The following SLAMF8 variants were observed in gnomAD, a reference collection of about 807,000 sequenced individuals.
SLAMF8 encodes the protein B lymphocyte activator macrophage expressed.
In SLAMF8, 23 loss-of-function variants were observed where a neutral mutation model predicts 29.0. That is an observed-to-expected ratio of 0.79 (90% CI 0.57 to 1.13). The LOEUF is 1.13. Ranked by LOEUF, SLAMF8 falls within the 50% of genes most tolerant of loss-of-function variation. SLAMF8 has a pLI of 0.00. For missense variants in SLAMF8, 381 were observed against 353.1 expected (o/e 1.08, Z -0.63); for synonymous variants, 139 against 145.6 (o/e 0.96, Z 0.32).
At chr1:159,832,099 G>A (rs1465726009) in intron 2 of SLAMF8, among the ~76,000 whole-genome samples, 1 of 152,076 alleles carries the variant, frequency 6.6e-6, no homozygotes, top group African/African-American at 2.4e-5. Flanking sequence ...TGTATAGAAA[G>A]GGGAATCCAT....
chr1:159,836,387 CT>C lies in SLAMF8; in HGVS notation c.*1128del. On this transcript the variant is annotated 3_prime_UTR_variant, in exon 5 of 5. Coordinates refer to ENST00000289707, the MANE Select transcript of SLAMF8 (RefSeq NM_020125.3). ...CATCTTAGGAAAATACATTCTGCCC[CT>C]GAATGATTCTGTCTAGAAAAGCTCT... 4.1e-6 allele frequency: 4 copies of C among 985,418 alleles called. No individual in the cohort carries two copies. Among genetic ancestry groups the C allele is most frequent in the Non-Finnish European group, 4.8e-6 (4 of 829,942 alleles). The allele number at this position is 985,418 out of a possible 1,614,324, so 61.0% of individuals were successfully genotyped here. A position where few individuals can be genotyped will look rare whatever the true frequency, so the allele number is the denominator to read the frequency against.
At chr1:159,827,072 G>A in intron 1 of SLAMF8, 134 bp downstream of exon 1, 1 of 1,062,332 alleles carries the variant, frequency 9.4e-7, no homozygotes, top group Non-Finnish European at 1.4e-6. Flanking sequence ...GGAAAGACTA[G>A]AACAAGCTCT....
intron 1 of SLAMF8, among the ~76,000 whole-genome samples, chr1:159,829,443 C>T (rs1009825810): frequency 1.3e-5 from 2 of 152,158 alleles, no homozygotes; most frequent in Non-Finnish European, 2.9e-5. Context: ...GTACTGTGCC[C>T]TCTGCCGGTG....
intron 2 of SLAMF8, among the ~76,000 whole-genome samples, chr1:159,831,391 A>T (rs1178108993): frequency 6.6e-6 from 1 of 151,568 alleles, no homozygotes; most frequent in Non-Finnish European, 1.5e-5. Flanking sequence ...GCCTTTCTGG[A>T]TGCACGCAGC....
Position 159,832,120 on chromosome 1 carries a change from C to T in SLAMF8, c.368-756C>T, listed in dbSNP as rs143063639. Among the ~76,000 whole-genome samples, 21 of 152,242 alleles carry T rather than the reference C, an allele frequency of 1.4e-4. No homozygotes were observed. The South Asian group carries it at 2.7e-3, about 20-fold the overall frequency. Reference sequence around the variant, plus strand: ...GAAAGGGGAATCCATGGCTAGGACACCAGGATATCAGTTTGTTCAGTGACC... The same window carrying T: ...GAAAGGGGAATCCATGGCTAGGACATCAGGATATCAGTTTGTTCAGTGACC... On this transcript the variant is annotated intron_variant, in intron 2 of 4. Coordinates refer to ENST00000289707, the MANE Select transcript of SLAMF8 (RefSeq NM_020125.3).
At position 159,826,922 on chromosome 1, in the gene SLAMF8, T is replaced by C; in HGVS notation, c.24T>C (p.Ser8=). The change falls in exon 1 of 5, where the codon AGT becomes AGC. Residue 8 remains serine, a synonymous_variant. Transcript: ENST00000289707. MVMRPLW[S]LLLWEALLPI... is the part of the protein sequence containing the mutation. ...AGATGGTCATGAGGCCCCTGTGGAG[T>C]CTGCTTCTCTGGGAAGGTAAGTGGG... 6.2e-7 allele frequency: 1 copy of C among 1,613,784 alleles called. No individual in the cohort carries two copies. Among genetic ancestry groups the C allele is most frequent in the Non-Finnish European group, 8.5e-7 (1 of 1,179,938 alleles).
rs748264309 is a variant in SLAMF8 at position 159,833,395 on chromosome 1, T to C, written c.781+26T>C. On this transcript the variant is annotated intron_variant, in intron 4 of 4. Coordinates refer to ENST00000289707, the MANE Select transcript of SLAMF8 (RefSeq NM_020125.3). ...GTAGGAGTCCTGCAGGTGCAGGAGG[T>C]AGGTGGAGGAAGTGGAGTTCCTGGG... 1.4e-5 allele frequency: 22 copies of C among 1,613,554 alleles called. No homozygotes were observed. In the Admixed American group the frequency reaches 3.2e-4, roughly 23 times the overall value.
chr1:159,836,625 C>G lies in SLAMF8; in HGVS notation c.*1365C>G, dbSNP rs1647962631. On this transcript the variant is annotated 3_prime_UTR_variant, in exon 5 of 5. Coordinates refer to ENST00000289707, the MANE Select transcript of SLAMF8 (RefSeq NM_020125.3). ...TCCCAGGGTGGCTTCAATCTCCCCA[C>G]CTAGGATGTCAGCCCTGTCCAAGGA... 1.0e-6 allele frequency: 1 copy of G among 985,442 alleles called. No individual in the cohort carries two copies. The highest frequency in any genetic ancestry group is 1.7e-5 in the African/African-American group (1 of 57,336). The allele number at this position is 985,442 out of a possible 1,614,324, so 61.0% of individuals were successfully genotyped here.
rs766596458 is a variant in SLAMF8 at position 159,830,034 on chromosome 1, CT to C, written c.210del (p.Leu71CysfsTer34). 6.2e-7 allele frequency: 1 copy of C among 1,613,168 alleles called. No individual in the cohort carries two copies. Among genetic ancestry groups the C allele is most frequent in the South Asian group, 1.1e-5 (1 of 91,076 alleles). On this transcript the variant is annotated frameshift_variant, in exon 2 of 5. Transcript: ENST00000289707. LOFTEE classifies it high-confidence loss of function. Reference protein sequence around the residue: ...LATFFRGSLETLYHSRFLGRA... With the variant: ...LATFFRGSLEXLYHSRFLGRA... The stretch of plus-strand genomic sequence containing the variant: ...ACGTTTTTCCGAGGCTCCCTGGAGA[CT>C]CTGTACCATTCCCGCTTCCTGGGCC...
rs770283592 is a variant in SLAMF8, at chr1:159,832,986, A to T, written c.478A>T (p.Ile160Leu). ...CTGTTGGGCCCCCAACATCAGCGAA[A>T]TAACCTATAGCTGGCGACGGGAGAC... ...LSCWAPNISEITYSWRRETTM... is the reference protein window; with the variant it reads ...LSCWAPNISELTYSWRRETTM... The change falls in exon 3 of 5, where the codon ATA becomes TTA. Residue 160 changes from isoleucine to leucine, a missense_variant. Transcript: ENST00000289707. 11 of 1,614,278 alleles carry T rather than the reference A, an allele frequency of 6.8e-6. No individual in the cohort carries two copies. Among genetic ancestry groups the T allele is most frequent in the Non-Finnish European group, 9.3e-6 (11 of 1,180,048 alleles).
chr1:159,833,420 G>A, intron 4 of SLAMF8, 51 bp downstream of exon 4: 1 of 1,612,188 alleles, frequency 6.2e-7, no homozygotes, highest in Non-Finnish European at 8.5e-7. Flanking sequence ...GAGTTCCTGG[G>A]GAGGAGGGGG....
intron 2 of SLAMF8, among the ~76,000 whole-genome samples, chr1:159,830,566 G>C (rs1480937303): frequency 1.3e-5 from 2 of 152,136 alleles, no homozygotes; most frequent in African/African-American, 4.8e-5. Flanking sequence ...ATCCAGGACA[G>C]AGCCTGGCCT....
chr1:159,834,981 G>T (rs1334488223), intron 4 of SLAMF8: 1 of 550,566 alleles, frequency 1.8e-6, no homozygotes, highest in South Asian at 2.4e-5. Flanking sequence ...TGGCATAGTT[G>T]CAGGCCAAGG....
chr1:159,835,957 C>T lies in SLAMF8; in HGVS notation c.*697C>T. 3.0e-6 allele frequency: 3 copies of T among 985,434 alleles called. No homozygotes were observed. Among genetic ancestry groups the T allele is most frequent in the Non-Finnish European group, 3.6e-6 (3 of 829,958 alleles). The allele number at this position is 985,434 out of a possible 1,614,324, so 61.0% of individuals were successfully genotyped here. ...GATGGGCACCGTTTTGCAGGAAACA[C>T]CATATTAATAGACATCCTCACCATC... On this transcript the variant is annotated 3_prime_UTR_variant, in exon 5 of 5. Transcript: ENST00000289707.
chr1:159,835,148 C>CCA (rs779626599), intron 4 of SLAMF8, 36 bp from the exon 5 acceptor site: 5 of 1,601,520 alleles, frequency 3.1e-6, no homozygotes, highest in Non-Finnish European at 3.4e-6. Flanking sequence ...ACTCCAAACA[C>CCA]TGGAGGGGTA....
At chr1:159,828,454 C>T (rs1056554346) in intron 1 of SLAMF8, among the ~76,000 whole-genome samples, 5 of 152,170 alleles carry the variant, frequency 3.3e-5, no homozygotes, top group Non-Finnish European at 5.9e-5. Context: ...AGCAACCATC[C>T]AGATCATGTC....
At chr1:159,831,773 A>G (rs748284487) in intron 2 of SLAMF8, among the ~76,000 whole-genome samples, 1 of 152,238 alleles carries the variant, frequency 6.6e-6, no homozygotes, top group Non-Finnish European at 1.5e-5. Context: ...TTGACAATAG[A>G]TAAGAACGAT....
rs1648025545 is a variant in SLAMF8 at position 159,837,360 on chromosome 1, A to G, written c.*2100A>G. On this transcript the variant is annotated 3_prime_UTR_variant, in exon 5 of 5. Coordinates refer to ENST00000289707, the MANE Select transcript of SLAMF8 (RefSeq NM_020125.3). ...TTGAGACTGATGCTTTGTAAGTCAC[A>G]CCACAACAAATATTGATTGAGGGCG... 1 of 953,210 alleles carries G rather than the reference A, an allele frequency of 1.0e-6. No individual in the cohort carries two copies. The highest frequency in any genetic ancestry group is 1.2e-6 in the Non-Finnish European group (1 of 800,716). The allele number at this position is 953,210 out of a possible 1,614,324, so 59.0% of individuals were successfully genotyped here. A position where few individuals can be genotyped will look rare whatever the true frequency, so the allele number is the denominator to read the frequency against.
In SLAMF8 at chr1:159,836,567, T is replaced by A; in HGVS notation, c.*1307T>A. On this transcript the variant is annotated 3_prime_UTR_variant, in exon 5 of 5. Coordinates refer to ENST00000289707, the MANE Select transcript of SLAMF8 (RefSeq NM_020125.3). ...TTGATAACAGCGAGGAAAGAGGTAT[T>A]GAAGAAACAGGGGTGGGTTTGAAGT... 1 of 985,478 alleles carries A rather than the reference T, an allele frequency of 1.0e-6. No homozygotes were observed. The highest frequency in any genetic ancestry group is 1.2e-6 in the Non-Finnish European group (1 of 829,956). 61.0% of individuals were successfully genotyped at this position (985,478 alleles called of 1,614,324 possible).
Sources: gnomAD v4.1 joint callset for allele counts (sites outside exome capture counted in the v4.1 genomes callset) on GRCh38, gnomAD v4.1.1 for gene constraint, MANE v1.5 for transcripts, NCBI Gene and HGNC (gene_info 2026-07-23, HGNC 2026-07-21) for gene names.